Variants in DAB1 observed in about 807,000 individuals in gnomAD.
The protein encoded by DAB1 is disabled homolog 1.
In DAB1, 15 loss-of-function variants were observed where a neutral mutation model predicts 64.6. The observed-to-expected ratio is 0.23, with a 90% CI of 0.16 to 0.36. DAB1 has a LOEUF of 0.36. Among genes scored for constraint, DAB1 ranks in the 10% least tolerant of loss-of-function variants. DAB1 has a pLI of 1.00. For synonymous variants in DAB1, 235 were observed against 251.9 expected (o/e 0.93, Z 0.64); for missense variants, 596 against 706.7 (o/e 0.84, Z 1.78).
chr1:58,387,115 T>C (rs1644438784), intron 3 of DAB1, among the ~76,000 whole-genome samples: 1 of 151,958 alleles, frequency 6.6e-6, no homozygotes, highest in Non-Finnish European at 1.5e-5. Context: ...TTTTGGAAAT[T>C]TAAAAGTCCT....
chr1:58,537,740 C>G (rs376933067), intron 1 of DAB1, among the ~76,000 whole-genome samples: 2 of 152,158 alleles, frequency 1.3e-5, no homozygotes, highest in Non-Finnish European at 2.9e-5. Context: ...TGCCTTTACA[C>G]AAAGTGTGTC....
intron 2 of DAB1, among the ~76,000 whole-genome samples, chr1:57,223,379 C>T (rs1435456162): frequency 1.3e-5 from 2 of 152,220 alleles, no homozygotes; most frequent in East Asian, 3.9e-4. Flanking sequence ...GTATGCAGCC[C>T]AAGTCCTCCC....
At chr1:57,801,375 G>A (rs939975022) in intron 6 of DAB1, among the ~76,000 whole-genome samples, 2 of 152,200 alleles carry the variant, frequency 1.3e-5, no homozygotes, top group African/African-American at 4.8e-5. Context: ...ATTGGCGAGA[G>A]GCAGGGAGAG....
At chr1:57,984,184 A>AAAAGAAAGAAAGAAAGAAAG (rs557402048) in intron 5 of DAB1, among the ~76,000 whole-genome samples, 54 of 50,696 alleles carry the variant, frequency 1.1e-3, no homozygotes, top group African/African-American at 1.8e-3. Flanking sequence ...TAGCTTAAAA[A>AAAAGAAAGAAAGAAAGAAAG]AAAGAAAGAA....
At chr1:57,517,886 G>C (rs1570590207) in intron 7 of DAB1, among the ~76,000 whole-genome samples, 2 of 152,266 alleles carry the variant, frequency 1.3e-5, no homozygotes, top group South Asian at 2.1e-4. Context: ...AGAGCTGAAA[G>C]CAACTTAAAG....
intron 5 of DAB1, among the ~76,000 whole-genome samples, chr1:57,910,042 G>T (rs1171056410): frequency 6.6e-6 from 1 of 152,182 alleles, no homozygotes; most frequent in Non-Finnish European, 1.5e-5. Flanking sequence ...GCTGACTTGA[G>T]TTCCCATTAA....
chr1:57,273,587 CTTCCTTCCTTCCTTCCTTCCTTCCT>C (rs1671203508), intron 2 of DAB1, among the ~76,000 whole-genome samples: 4 of 121,262 alleles, frequency 3.3e-5, no homozygotes, highest in Admixed American at 8.5e-5. Context: ...TCCTTCCTTC[CTTCCTTCCTTCCTTCCTTCCTTCCT>C]TCCCTCCCTC....
intron 5 of DAB1, among the ~76,000 whole-genome samples, chr1:58,063,243 A>G (rs1391014944): frequency 1.3e-5 from 2 of 152,192 alleles, no homozygotes; most frequent in African/African-American, 4.8e-5. Context: ...GCTGTAAATA[A>G]CAGAATGTTA....
rs183494891 is a variant in DAB1, at chr1:57,480,023, G to A, written n.625+169569C>T. On this transcript the variant is annotated intron_variant and non_coding_transcript_variant, in intron 7 of 20. Transcript: ENST00000485760. Reference sequence around the variant, plus strand: ...AAAAATTAGCCGGGCATGGTGGCGCGCGCCTGTAGTCCCAGCTACACGGGA... The same window carrying A: ...AAAAATTAGCCGGGCATGGTGGCGCACGCCTGTAGTCCCAGCTACACGGGA... Among the ~76,000 whole-genome samples the A allele has an allele frequency of 4.0e-4, 61 of 151,668 alleles. 1 individual carries two copies. In the East Asian group the frequency reaches 8.2e-3, roughly 20 times the overall value.
intron 9 of DAB1, among the ~76,000 whole-genome samples, chr1:57,034,916 T>TGCAGA (rs1190392927): frequency 6.6e-6 from 1 of 152,176 alleles, no homozygotes; most frequent in Non-Finnish European, 1.5e-5. Flanking sequence ...AGTTACAAAG[T>TGCAGA]GCAGAGCAGA....
intron 8 of DAB1, among the ~76,000 whole-genome samples, chr1:57,067,972 T>G (rs1651086802): frequency 3.3e-5 from 5 of 152,124 alleles, no homozygotes; most frequent in Non-Finnish European, 7.4e-5. Flanking sequence ...CAAAGGTAGT[T>G]GGTAAGAGAG....
At chr1:57,151,734 A>G (rs1275498604) in intron 2 of DAB1, among the ~76,000 whole-genome samples, 1 of 151,790 alleles carries the variant, frequency 6.6e-6, no homozygotes, top group African/African-American at 2.4e-5. Context: ...TAGTAATAAT[A>G]TATTTCAAAG....
At chr1:58,122,795 T>A (rs1485367221) in intron 5 of DAB1, among the ~76,000 whole-genome samples, 1 of 152,124 alleles carries the variant, frequency 6.6e-6, no homozygotes, top group Non-Finnish European at 1.5e-5. Context: ...AATTAACACA[T>A]TTCTGAAGGA....
At chr1:58,123,919 A>G (rs1048712432) in intron 5 of DAB1, among the ~76,000 whole-genome samples, 4 of 152,196 alleles carry the variant, frequency 2.6e-5, no homozygotes, top group Non-Finnish European at 5.9e-5. Context: ...ATACACACAC[A>G]CACACATACA....
At chr1:57,417,523 G>T (rs1027791575) in intron 1 of DAB1, among the ~76,000 whole-genome samples, 17 of 152,064 alleles carry the variant, frequency 1.1e-4, no homozygotes, top group Admixed American at 2.6e-4. Flanking sequence ...GAAATCAAAG[G>T]TTCTATGGCA....
rs1415390300 is a variant in DAB1 at position 57,098,175 on chromosome 1, C to T, written c.307-25761G>A. Among the ~76,000 whole-genome samples, 4 of 152,142 alleles carry T rather than the reference C, an allele frequency of 2.6e-5. No homozygotes were observed. In the East Asian group the frequency reaches 5.8e-4, roughly 22 times the overall value. On this transcript the variant is annotated intron_variant, in intron 4 of 14. Transcript: ENST00000371236. ...GAAAAAATTTCCCATTTTGATTATT[C>T]TTTACAACTTTATTGAAAATAAATA...
chr1:57,615,726 T>C (rs1645784023), intron 7 of DAB1, among the ~76,000 whole-genome samples: 1 of 152,156 alleles, frequency 6.6e-6, no homozygotes, highest in South Asian at 2.1e-4. Flanking sequence ...GGAACAGTCT[T>C]GGATTTAAAA....
chr1:57,445,878 G>A (rs950497856), intron 7 of DAB1, among the ~76,000 whole-genome samples: 9 of 152,080 alleles, frequency 5.9e-5, no homozygotes, highest in Non-Finnish European at 1.3e-4. Flanking sequence ...TTCTGGTATA[G>A]GTTTAATGCT....
intron 4 of DAB1, among the ~76,000 whole-genome samples, chr1:58,204,497 G>A (rs1245780001): frequency 2.0e-5 from 3 of 152,186 alleles, no homozygotes; most frequent in South Asian, 2.1e-4. Context: ...GTAGGGGGTA[G>A]AGAAGTGAGG....
Sources: allele counts gnomAD v4.1 joint callset (sites outside exome capture counted in the v4.1 genomes callset), GRCh38; gene constraint gnomAD v4.1.1; transcripts MANE v1.5; gene names NCBI Gene and HGNC (gene_info 2026-07-23, HGNC 2026-07-21).